Variants in LRRK1 observed in about 807,000 individuals in gnomAD.
LRRK1 encodes leucine-rich repeat serine/threonine-protein kinase 1.
LRRK1 carries 113 observed loss-of-function variants against 209.1 expected under a neutral mutation model. The ratio of observed to expected loss-of-function variants is 0.54; its 90% CI spans 0.46 to 0.63. The LOEUF (loss-of-function observed/expected upper bound fraction) is 0.63. Ranked by LOEUF, LRRK1 falls within the 30% of genes least tolerant of loss-of-function variation. The pLI is 0.00. For missense variants in LRRK1, 2,284 were observed against 2,632.2 expected (o/e 0.87, Z 2.89); for synonymous variants, 1,144 against 1,099.7 (o/e 1.04, Z -0.80).
At chr15:100,962,818 T>TATAC (rs1596204793) in intron 2 of LRRK1, among the ~76,000 whole-genome samples, 1 of 33,344 alleles carries the variant, frequency 3.0e-5, no homozygotes, top group African/African-American at 1.1e-4. Flanking sequence ...TATATATATA[T>TATAC]ATATATTTTT....
rs552609033 is a variant in LRRK1 at position 101,010,941 on chromosome 15, G to T, written c.1281+104G>T. 2.5e-3 allele frequency: 2,577 copies of T among 1,022,880 alleles called. 5 individuals carry two copies. The highest frequency in any genetic ancestry group is 2.9e-3 in the Non-Finnish European group (2,096 of 711,372). The allele number at this position is 1,022,880 out of a possible 1,614,324, so 63.4% of individuals were successfully genotyped here. On this transcript the variant is annotated intron_variant, in intron 9 of 33. Coordinates refer to ENST00000388948, the MANE Select transcript of LRRK1 (RefSeq NM_024652.6). ...TATGTCAGTTCATCCCCTCAGCAGC[G>T]AAGCCGGGTAGAAGGGCCCGGTTCC...
intron 2 of LRRK1, among the ~76,000 whole-genome samples, chr15:100,931,220 T>C (rs1462064243): frequency 1.3e-5 from 2 of 152,250 alleles, no homozygotes; most frequent in East Asian, 3.8e-4. Flanking sequence ...TTGCAGTTCC[T>C]TTTGCTAATG....
chr15:101,025,873 C>G lies in LRRK1; in HGVS notation c.2233-92C>G, dbSNP rs56711282. 0.012 allele frequency: 17,039 copies of G among 1,402,848 alleles called. 1,513 individuals are homozygous for G. In the African/African-American group the frequency reaches 0.2, roughly 17 times the overall value. The allele number at this position is 1,402,848 out of a possible 1,614,324, so 86.9% of individuals were successfully genotyped here. On this transcript the variant is annotated intron_variant, in intron 16 of 33. Transcript: ENST00000388948. ...GTGGCTGAGCAAGGGCCGTGGCATC[C>G]AGGGTCAGCGCACCTGCACAGCTGG... is the stretch of plus-strand genomic sequence containing the variant.
Position 101,028,998 on chromosome 15 carries a change from C to T in LRRK1, c.2729C>T (p.Pro910Leu), listed in dbSNP as rs1050786363. Residue 910 changes from proline to leucine, a missense_variant, in exon 20 of 34, where the codon CCG (proline) becomes CTG (leucine). Physicochemically the swap from Pro to Leu is moderately conservative, Grantham distance 98 (BLOSUM62 -3). Around this residue, in one of 6 missense-constraint regions of LRRK1, gnomAD observed 780 missense variants for 985.2 expected, o/e 0.79. Transcript: ENST00000388948. Reference protein sequence around the residue: ...LIETGTLLHFPDTSHGLRNLY... With the variant: ...LIETGTLLHFLDTSHGLRNLY... ...GAAACCGGCACCCTGCTCCATTTCC[C>T]GGACACCAGCCACGGCCTGAGGAAC... 8.1e-6 allele frequency: 13 copies of T among 1,614,172 alleles called. No homozygotes were observed. Among genetic ancestry groups the T allele is most frequent in the Middle Eastern group, 1.7e-4 (1 of 6,056 alleles).
chr15:101,019,676 C>A (rs2033690574), intron 12 of LRRK1, among the ~76,000 whole-genome samples: 1 of 152,198 alleles, frequency 6.6e-6, no homozygotes. Context: ...CTGGTTTCAG[C>A]CCAACAAAAG....
In LRRK1 at chr15:101,076,101, T is replaced by C. The variant is rs1233105793; in HGVS notation, c.*7253T>C. The C allele has an allele frequency of 3.3e-5, 5 of 152,332 alleles. No homozygotes were observed. In the East Asian group the frequency reaches 9.7e-4, roughly 29 times the overall value. 9.4% of individuals were successfully genotyped at this position (152,332 alleles called of 1,614,324 possible). ...GGCATGGTTAGTGCAGTCAGAATTC[T>C]TACACAAGAGCCAGGACCGCACCCT... On this transcript the variant is annotated 3_prime_UTR_variant, in exon 34 of 34. Transcript: ENST00000388948.
chr15:100,976,772 A>G (rs1169527884), intron 3 of LRRK1, among the ~76,000 whole-genome samples: 3 of 152,248 alleles, frequency 2.0e-5, no homozygotes, highest in Non-Finnish European at 4.4e-5. Flanking sequence ...AACCTTGAAA[A>G]CTGCCTAACT....
In LRRK1 at chr15:101,061,187, A is replaced by G. The variant is rs1364955563; in HGVS notation, c.4696A>G (p.Asn1566Asp). ...CACTTACAGGAACTACACGGTGGTG[A>G]ACACAGAGAAGGGCCTCATGGAGGT... ...KEESRNYTVV[N>D]TEKGLMEVQR... is the part of the protein sequence containing the mutation. The change falls in exon 30 of 34, where the codon AAC becomes GAC. Residue 1566 changes from asparagine (N) to aspartate (D), a missense_variant. Coordinates refer to ENST00000388948, the MANE Select transcript of LRRK1 (RefSeq NM_024652.6). The G allele has an allele frequency of 1.2e-6, 2 of 1,613,942 alleles. No individual in the cohort carries two copies. The highest frequency in any genetic ancestry group is 2.7e-5 in the African/African-American group (2 of 75,022).
chr15:101,049,982 G>A lies in LRRK1; in HGVS notation c.3439+199G>A, dbSNP rs574374470. On this transcript the variant is annotated intron_variant, in intron 23 of 33. Coordinates refer to ENST00000388948, the MANE Select transcript of LRRK1 (RefSeq NM_024652.6). ...TCACTGGGGGGAGTCCCACGGGGAG[G>A]ACTGGGCTCGGACACCACTGGGAAT... Among the ~76,000 whole-genome samples, 41 of 152,218 alleles carry A rather than the reference G, an allele frequency of 2.7e-4. No individual in the cohort carries two copies. In the South Asian group the frequency reaches 4.2e-3, roughly 15 times the overall value.
At position 100,988,835 on chromosome 15, in the gene LRRK1, A is replaced by C. The variant is rs756567862; in HGVS notation, c.613+22A>C. The C allele has an allele frequency of 1.4e-5, 22 of 1,568,156 alleles. No homozygotes were observed. The South Asian group carries it at 2.5e-4, about 18-fold the overall frequency. ...TCAGGTGGGTTTCCCCACTACCCTG[A>C]GTCAACCCTGACCGTGCAAACCATC... On this transcript the variant is annotated intron_variant, in intron 5 of 33. Transcript: ENST00000388948.
chr15:100,991,323 C>T (rs1358457711), intron 6 of LRRK1, among the ~76,000 whole-genome samples: 1 of 152,066 alleles, frequency 6.6e-6, no homozygotes, highest in South Asian at 2.1e-4. Context: ...TATTATCGGA[C>T]ATTTGTTCTT....
intron 31 of LRRK1, 94 bp from the exon 32 acceptor site, chr15:101,065,258 G>A: frequency 6.8e-7 from 1 of 1,464,220 alleles, no homozygotes; most frequent in Non-Finnish European, 9.2e-7. Context: ...CTGCCCGCCT[G>A]GTGTGGGTGC....
At chr15:101,029,325 C>T (rs1168111948) in intron 20 of LRRK1, 93 bp downstream of exon 20, 3 of 1,303,428 alleles carry the variant, frequency 2.3e-6, no homozygotes, top group East Asian at 2.5e-5. Context: ...AACAAGATTT[C>T]CAGGGATCAG....
At chr15:100,966,697 C>T (rs1266851884) in intron 2 of LRRK1, among the ~76,000 whole-genome samples, 3 of 152,308 alleles carry the variant, frequency 2.0e-5, no homozygotes, top group Middle Eastern at 3.4e-3. Context: ...CCCACAGGGT[C>T]GGTGAGAGTG....
At chr15:101,025,218 G>A (rs774557303) in intron 16 of LRRK1, among the ~76,000 whole-genome samples, 2 of 152,138 alleles carry the variant, frequency 1.3e-5, no homozygotes, top group African/African-American at 2.4e-5. Context: ...AGCAGAGCAG[G>A]GTTCCCTTCC....
chr15:100,950,680 G>A (rs964548143), intron 2 of LRRK1, among the ~76,000 whole-genome samples: 6 of 152,178 alleles, frequency 3.9e-5, no homozygotes, highest in Admixed American at 3.9e-4. Context: ...TTCTTCAATA[G>A]ACATAATCAA....
rs374168527 is a variant in LRRK1 at position 101,029,252 on chromosome 15, C to T, written c.2963+20C>T. On this transcript the variant is annotated intron_variant, in intron 20 of 33. Transcript: ENST00000388948. ...TGACAGGTGAGGACACAACTTAACA[C>T]GCCAGGCTGTGCAGGTTGCTCCCCG... 105 of 1,591,438 alleles carry T rather than the reference C, an allele frequency of 6.6e-5. No individual in the cohort carries two copies. The highest frequency in any genetic ancestry group is 5.1e-4 in the Middle Eastern group (3 of 5,940).
At chr15:100,934,656 G>C (rs1386287271) in intron 2 of LRRK1, among the ~76,000 whole-genome samples, 1 of 141,824 alleles carries the variant, frequency 7.1e-6, no homozygotes. Context: ...AAAAAAATTA[G>C]CCGGTCGTGG....
At chr15:101,014,986 G>A (rs2033459126) in intron 11 of LRRK1, among the ~76,000 whole-genome samples, 1 of 152,236 alleles carries the variant, frequency 6.6e-6, no homozygotes, top group African/African-American at 2.4e-5. Flanking sequence ...TAACTGAAAT[G>A]GACGTGGAAT....
Sources: allele counts gnomAD v4.1 joint callset (sites outside exome capture counted in the v4.1 genomes callset), GRCh38; gene constraint gnomAD v4.1.1; regional missense constraint gnomAD v4.1.1; transcripts MANE v1.5; gene names NCBI Gene and HGNC (gene_info 2026-07-23, HGNC 2026-07-21).